Variants in PHC3 observed in about 807,000 individuals in gnomAD.
The protein encoded by PHC3 is polyhomeotic homolog 3, also known as polyhomeotic-like protein 3.
In PHC3, 13 loss-of-function variants were observed where a neutral mutation model predicts 107.4. That is an observed-to-expected ratio of 0.12 (90% CI 0.08 to 0.19). The LOEUF is 0.19. PHC3 is among the 10% of genes least tolerant of loss of function. The probability of loss-of-function intolerance (pLI) is 1.00; values close to 1 mark genes in which losing one functional copy is unlikely to be tolerated. For synonymous variants in PHC3, 456 were observed against 427.4 expected, an observed-to-expected ratio of 1.07 and a Z score of -0.83; for missense variants, 992 against 1,210.9, an observed-to-expected ratio of 0.82 and a Z score of 2.68.
intron 4 of PHC3, among the ~76,000 whole-genome samples, chr3:170,166,951 A>C (rs1728834258): frequency 6.6e-6 from 1 of 152,158 alleles, no homozygotes; most frequent in Admixed American, 6.5e-5. Flanking sequence ...CACCATTCTC[A>C]GCAGGGGCAT....
intron 12 of PHC3, among the ~76,000 whole-genome samples, chr3:170,104,512 A>G (rs565268725): frequency 2.0e-5 from 3 of 152,288 alleles, no homozygotes; most frequent in South Asian, 4.1e-4. Flanking sequence ...GGCTCAAGCA[A>G]TCTTCCCACC....
intron 10 of PHC3, among the ~76,000 whole-genome samples, chr3:170,115,169 T>C (rs1423044014): frequency 3.3e-5 from 5 of 152,068 alleles, no homozygotes; most frequent in African/African-American, 1.2e-4. Flanking sequence ...TTCAGAACTA[T>C]TTGAACAGTG....
intron 7 of PHC3, among the ~76,000 whole-genome samples, chr3:170,135,715 T>C (rs974452338): frequency 6.7e-6 from 1 of 150,216 alleles, no homozygotes; most frequent in East Asian, 1.9e-4. Flanking sequence ...GGGCAAATGG[T>C]GCTAAGTTTA....
rs1714277385 is a variant in PHC3 at position 170,093,103 on chromosome 3, C to T, written c.*4127G>A. 6.6e-6 allele frequency: 1 copy of T among 152,172 alleles called. No individual in the cohort carries two copies. Among genetic ancestry groups the T allele is most frequent in the African/African-American group, 2.4e-5 (1 of 41,416 alleles). The allele number at this position is 152,172 out of a possible 1,614,324, so 9.4% of individuals were successfully genotyped here. ...CCCAGCTAGTTACATATGTAGTACA[C>T]AAGATAGAGATTGAGCAATCATTTT... is the stretch of plus-strand genomic sequence containing the variant. On this transcript the variant is annotated 3_prime_UTR_variant, in exon 15 of 15. Coordinates refer to ENST00000495893, the MANE Select transcript of PHC3 (RefSeq NM_024947.4).
intron 4 of PHC3, chr3:170,149,904 C>T (rs1242164236): frequency 6.6e-6 from 1 of 152,174 alleles, no homozygotes; most frequent in East Asian, 1.9e-4. Flanking sequence ...ATTAGCATGG[C>T]TCCTGCCCAA....
intron 4 of PHC3, among the ~76,000 whole-genome samples, chr3:170,167,849 A>G (rs552195728): frequency 2.0e-5 from 3 of 152,128 alleles, no homozygotes; most frequent in African/African-American, 4.8e-5. Flanking sequence ...ATGAGTCTTC[A>G]GTATGTTAGA....
chr3:170,132,198 C>A (rs1046066612), intron 7 of PHC3, among the ~76,000 whole-genome samples: 9 of 152,028 alleles, frequency 5.9e-5, no homozygotes, highest in Admixed American at 5.9e-4. Context: ...ATATATAATT[C>A]TATTATTTAC....
Position 170,128,723 on chromosome 3 carries a change from G to C in PHC3, c.1749C>G (p.Asn583Lys). The stretch of plus-strand genomic sequence containing the variant: ...CAGGTGCTGGTGGTTGCACTTGTAG[G>C]TTTACCGCAACAGTCTGTGGAGGAG... ...TLPPPQTVAV[N>K]LQVQPPAPVD... The change falls in exon 8 of 15, where the codon AAC (asparagine) becomes AAG (lysine). Residue 583 changes from asparagine to lysine, a missense_variant. Around this residue, in one of 6 missense-constraint regions of PHC3, gnomAD observed 543 missense variants for 590.8 expected, o/e 0.92. Transcript: ENST00000495893. 2 of 1,613,998 alleles carry C rather than the reference G, an allele frequency of 1.2e-6. No homozygotes were observed. The highest frequency in any genetic ancestry group is 1.7e-6 in the Non-Finnish European group (2 of 1,179,880).
intron 4 of PHC3, among the ~76,000 whole-genome samples, chr3:170,168,584 T>C (rs1577252559): frequency 6.6e-6 from 1 of 151,720 alleles, no homozygotes; most frequent in African/African-American, 2.4e-5. Flanking sequence ...GCTAAGACGG[T>C]GAAATCCCAT....
At position 170,094,259 on chromosome 3, in the gene PHC3, T is replaced by C. The variant is rs2108234044; in HGVS notation, c.*2971A>G. ...ATGCCTACACAAGGCTTGATGAATA[T>C]TAATGTCATATAAAAAATAATTTTT... On this transcript the variant is annotated 3_prime_UTR_variant, in exon 15 of 15. Coordinates refer to ENST00000495893, the MANE Select transcript of PHC3 (RefSeq NM_024947.4). 6.6e-6 allele frequency: 1 copy of C among 152,328 alleles called. No individual in the cohort carries two copies. The allele number at this position is 152,328 out of a possible 1,614,324, so 9.4% of individuals were successfully genotyped here. A position where few individuals can be genotyped will look rare whatever the true frequency, so the allele number is the denominator to read the frequency against.
At chr3:170,116,720 A>G (rs6444899) in intron 10 of PHC3, among the ~76,000 whole-genome samples, 147,368 of 152,142 alleles carry the variant, frequency 0.97, 71,402 homozygotes, top group East Asian at 1. Context: ...AACCAGCCTG[A>G]GAAACACGGC....
chr3:170,108,123 GCAT>G (rs1262844141), intron 11 of PHC3, among the ~76,000 whole-genome samples: 1 of 151,970 alleles, frequency 6.6e-6, no homozygotes, highest in South Asian at 2.1e-4. Flanking sequence ...CCATTTTCTT[GCAT>G]CATCATAATT....
chr3:170,119,825 T>C (rs2108397631), intron 9 of PHC3, among the ~76,000 whole-genome samples: 1 of 143,438 alleles, frequency 7.0e-6, no homozygotes, highest in African/African-American at 2.8e-5. Context: ...TTTGATGAGT[T>C]ACTGTAAAAA....
In PHC3 at chr3:170,129,234, G is replaced by A; in HGVS notation, c.1238C>T (p.Pro413Leu). Reference sequence around the variant, plus strand: ...AGACTGACTTGGTGAATGAGGTGGTGGAGGAGACACCACTACAGACTGCTG... The same window carrying A: ...AGACTGACTTGGTGAATGAGGTGGTAGAGGAGACACCACTACAGACTGCTG... The part of the protein sequence containing the change: ...SAQQSVVVSP[P>L]PPHSPSQSPT... The change falls in exon 8 of 15, where the codon CCA becomes CTA. Residue 413 changes from proline (P) to leucine (L), a missense_variant. Pro to Leu is a moderately conservative substitution (Grantham distance 98). Coordinates refer to ENST00000495893, the MANE Select transcript of PHC3 (RefSeq NM_024947.4). 1.2e-6 allele frequency: 2 copies of A among 1,613,674 alleles called. No individual in the cohort carries two copies. The highest frequency in any genetic ancestry group is 8.5e-7 in the Non-Finnish European group (1 of 1,179,612).
chr3:170,150,534 A>T, intron 4 of PHC3: 3 of 160,544 alleles, frequency 1.9e-5, no homozygotes, highest in Non-Finnish European at 3.9e-5. Context: ...TCTCTACTAA[A>T]AAAAAAAAAA....
intron 10 of PHC3, 137 bp from the exon 11 acceptor site, chr3:170,113,656 GCCTTATT>G: frequency 2.6e-6 from 2 of 766,280 alleles, no homozygotes; most frequent in Non-Finnish European, 2.0e-6. Flanking sequence ...TTTAGTAAGT[GCCTTATT>G]CCTTGGGAAA....
chr3:170,097,391 T>G lies in PHC3; in HGVS notation c.2834-7A>C. On this transcript the variant is annotated splice_polypyrimidine_tract_variant and splice_region_variant and intron_variant, in intron 14 of 14. Coordinates refer to ENST00000495893, the MANE Select transcript of PHC3 (RefSeq NM_024947.4). The surrounding 1 kb of genome is among the most constrained non-coding windows in gnomAD (Gnocchi z 4.1). ...TCTGCGATATCCTGGCAGCCTGGAA[T>G]TTGACCAGAGGACAGAAGTTAGAAT... The G allele has an allele frequency of 6.2e-7, 1 of 1,611,854 alleles. No homozygotes were observed. The highest frequency in any genetic ancestry group is 8.5e-7 in the Non-Finnish European group (1 of 1,178,612).
intron 3 of PHC3, among the ~76,000 whole-genome samples, chr3:170,171,976 C>CT (rs936809388): frequency 1.3e-5 from 2 of 151,888 alleles, no homozygotes; most frequent in Non-Finnish European, 2.9e-5. Context: ...TAACAAAAAT[C>CT]TTTTTTAAAA....
intron 12 of PHC3, among the ~76,000 whole-genome samples, chr3:170,103,702 T>C (rs1715916145): frequency 6.6e-6 from 1 of 152,184 alleles, no homozygotes; most frequent in African/African-American, 2.4e-5. Context: ...TCATGGGCCA[T>C]ATAAGTTTCT....
Sources: gnomAD v4.1 joint callset for allele counts (sites outside exome capture counted in the v4.1 genomes callset) on GRCh38, gnomAD v4.1.1 for gene constraint, gnomAD v4.1.1 regional missense constraint, Gnocchi (gnomAD v3.1) non-coding constraint, MANE v1.5 for transcripts, NCBI Gene and HGNC (gene_info 2026-07-23, HGNC 2026-07-21) for gene names.